Variants in SND1 observed in about 807,000 individuals in gnomAD.
SND1 encodes staphylococcal nuclease domain-containing protein 1.
A neutral mutation model predicts 121.7 loss-of-function variants in SND1; 38 were observed. The observed-to-expected ratio is 0.31, with a 90% CI of 0.24 to 0.41. The LOEUF (loss-of-function observed/expected upper bound fraction) is 0.41. Ranked by LOEUF, SND1 falls within the 10% of genes least tolerant of loss-of-function variation. The pLI is 1.00. For missense variants in SND1, 868 were observed against 1,184.6 expected, an observed-to-expected ratio of 0.73 and a Z score of 3.92; for synonymous variants, 401 against 447.4, an observed-to-expected ratio of 0.90 and a Z score of 1.31.
chr7:127,919,605 T>G (rs1235361464), intron 14 of SND1, among the ~76,000 whole-genome samples: 2 of 152,332 alleles, frequency 1.3e-5, no homozygotes, highest in East Asian at 3.9e-4. Context: ...GGTGGTTGAT[T>G]TGCTTTATTT....
chr7:127,932,497 A>G (rs998067527), intron 15 of SND1, among the ~76,000 whole-genome samples: 1 of 152,252 alleles, frequency 6.6e-6, no homozygotes, highest in Non-Finnish European at 1.5e-5. Flanking sequence ...AGAAATGACA[A>G]CAAAGGATTC....
intron 12 of SND1, among the ~76,000 whole-genome samples, chr7:127,865,349 A>T (rs184855541): frequency 2.0e-5 from 3 of 152,202 alleles, no homozygotes; most frequent in Non-Finnish European, 2.9e-5. Context: ...TGTGGCTCAG[A>T]GCATTATTGT....
In SND1 at chr7:127,704,895, G is replaced by T; in HGVS notation, c.897G>T (p.Trp299Cys). 1 of 1,614,096 alleles carries T rather than the reference G, an allele frequency of 6.2e-7. No individual in the cohort carries two copies. The highest frequency in any genetic ancestry group is 8.5e-7 in the Non-Finnish European group (1 of 1,179,978). Reference sequence around the variant, plus strand: ...AAGGTTTCGCACGCTGTGTGGACTGGTCGATTGCAGTTTACACCCGGGGCG... The same window carrying T: ...AAGGTTTCGCACGCTGTGTGGACTGTTCGATTGCAGTTTACACCCGGGGCG... The part of the protein sequence containing the change: ...LKEGFARCVD[W>C]SIAVYTRGAE... Residue 299 changes from tryptophan to cysteine, a missense_variant, in exon 8 of 24, where the codon TGG (tryptophan) becomes TGT (cysteine). By Grantham distance (215) the Trp-to-Cys change is radical. This residue lies in a region of SND1 where 743 missense variants were observed against 1,071.3 expected (regional missense o/e 0.69). Coordinates refer to ENST00000354725, the MANE Select transcript of SND1 (RefSeq NM_014390.4).
At chr7:128,075,831 C>T (rs1269288751) in intron 17 of SND1, among the ~76,000 whole-genome samples, 1 of 152,258 alleles carries the variant, frequency 6.6e-6, no homozygotes, top group Non-Finnish European at 1.5e-5. Context: ...GAGGGGGAAG[C>T]AGGCAGCCTC....
At chr7:127,869,388 C>CATT (rs2116696980) in intron 12 of SND1, among the ~76,000 whole-genome samples, 1 of 152,184 alleles carries the variant, frequency 6.6e-6, no homozygotes, top group East Asian at 1.9e-4. Flanking sequence ...AGACAGGAGC[C>CATT]ACTACAGAGT....
rs1796077577 is a variant in SND1 at position 127,700,213 on chromosome 7, C to T, written c.429-950C>T. Among the ~76,000 whole-genome samples the T allele has an allele frequency of 2.0e-5, 3 of 152,204 alleles. No individual in the cohort carries two copies. The South Asian group carries it at 6.2e-4, about 32-fold the overall frequency. On this transcript the variant is annotated intron_variant, in intron 4 of 23. Coordinates refer to ENST00000354725, the MANE Select transcript of SND1 (RefSeq NM_014390.4). ...CCCTGGAGTACCAGTCCTTTTTCCT[C>T]CAAAATTGTTTTGACTTCAAGTCAC... is the stretch of plus-strand genomic sequence containing the variant.
At chr7:127,852,836 A>G (rs905298861) in intron 12 of SND1, among the ~76,000 whole-genome samples, 11 of 152,092 alleles carry the variant, frequency 7.2e-5, no homozygotes, top group African/African-American at 2.4e-4. Flanking sequence ...AAAAAGAAAT[A>G]ACACCCTCTT....
At chr7:127,742,236 C>G (rs1171920770) in intron 10 of SND1, among the ~76,000 whole-genome samples, 1 of 152,098 alleles carries the variant, frequency 6.6e-6, no homozygotes, top group Non-Finnish European at 1.5e-5. Context: ...CTTGTGCCAC[C>G]AAGATGTGTC....
chr7:127,962,163 G>A (rs1437091512), intron 15 of SND1, among the ~76,000 whole-genome samples: 1 of 152,168 alleles, frequency 6.6e-6, no homozygotes, highest in African/African-American at 2.4e-5. Flanking sequence ...GGAGTATGAT[G>A]TGTTCTCTCT....
At chr7:128,043,672 G>C (rs1792895422) in intron 16 of SND1, among the ~76,000 whole-genome samples, 1 of 151,286 alleles carries the variant, frequency 6.6e-6, no homozygotes, top group Non-Finnish European at 1.5e-5. Context: ...AACACCTCTT[G>C]GTCTCAATTT....
chr7:127,665,033 G>A, intron 1 of SND1, among the ~76,000 whole-genome samples: 1 of 152,266 alleles, frequency 6.6e-6, no homozygotes, highest in African/African-American at 2.4e-5. Context: ...TGGACCAGGG[G>A]ATCTGGTTTG....
intron 9 of SND1, among the ~76,000 whole-genome samples, chr7:127,714,899 T>G (rs1796360639): frequency 6.6e-6 from 1 of 152,234 alleles, no homozygotes; most frequent in Non-Finnish European, 1.5e-5. Flanking sequence ...CATGTGTCCA[T>G]GGGGACACAC....
At chr7:128,047,034 A>G (rs978792545) in intron 16 of SND1, among the ~76,000 whole-genome samples, 1 of 152,192 alleles carries the variant, frequency 6.6e-6, no homozygotes, top group Admixed American at 6.5e-5. Context: ...GTTTTTATAA[A>G]TATTTTCATA....
rs761613448 is a variant in SND1, at chr7:128,092,233, G to C, written c.*175G>C. The C allele has an allele frequency of 1.6e-6, 1 of 631,364 alleles. No individual in the cohort carries two copies. Among genetic ancestry groups the C allele is most frequent in the Non-Finnish European group, 2.8e-6 (1 of 360,444 alleles). 39.1% of individuals were successfully genotyped at this position (631,364 alleles called of 1,614,324 possible). The stretch of plus-strand genomic sequence containing the variant: ...GGGGCTGCGGGGTGGGGACCCCAAG[G>C]CTTTCTGGGGCAGACCCTTGTCCTC... On this transcript the variant is annotated 3_prime_UTR_variant, in exon 24 of 24. Coordinates refer to ENST00000354725, the MANE Select transcript of SND1 (RefSeq NM_014390.4). This position sits in a 1 kb window ranked among gnomAD's most constrained non-coding sequence, Gnocchi z 4.9.
At chr7:128,072,660 T>C (rs1046492032) in intron 16 of SND1, among the ~76,000 whole-genome samples, 2 of 151,986 alleles carry the variant, frequency 1.3e-5, no homozygotes, top group African/African-American at 2.4e-5. Context: ...TGTCCACCCC[T>C]ACCACACTAC....
At chr7:127,816,531 C>A (rs755256651) in intron 11 of SND1, among the ~76,000 whole-genome samples, 1 of 152,016 alleles carries the variant, frequency 6.6e-6, no homozygotes, top group Non-Finnish European at 1.5e-5. Context: ...GGTATTTGCT[C>A]AATAGTTGGT....
chr7:127,895,125 C>A (rs1167877584), intron 13 of SND1, among the ~76,000 whole-genome samples: 1 of 151,896 alleles, frequency 6.6e-6, no homozygotes, highest in East Asian at 1.9e-4. Flanking sequence ...CTTCTCTGTC[C>A]AGCCTCTGTT....
chr7:127,695,662 G>C (rs999483798), intron 3 of SND1, among the ~76,000 whole-genome samples: 1 of 151,990 alleles, frequency 6.6e-6, no homozygotes, highest in Non-Finnish European at 1.5e-5. Flanking sequence ...GTAAAACCCC[G>C]TTTCTATGGA....
chr7:127,792,015 A>G (rs562391897), intron 10 of SND1, among the ~76,000 whole-genome samples: 1 of 152,382 alleles, frequency 6.6e-6, no homozygotes, highest in East Asian at 1.9e-4. Context: ...CATATTAGGT[A>G]GAAAAAATTA....
Sources: allele counts gnomAD v4.1 joint callset (sites outside exome capture counted in the v4.1 genomes callset), GRCh38; gene constraint gnomAD v4.1.1; regional missense constraint gnomAD v4.1.1; non-coding constraint Gnocchi (gnomAD v3.1); transcripts MANE v1.5; gene names NCBI Gene and HGNC (gene_info 2026-07-23, HGNC 2026-07-21).